LEMD3: variants seen among roughly 807,000 people sequenced by gnomAD.
LEMD3 encodes LEM domain containing 3, also known as inner nuclear membrane protein Man1.
Under a neutral mutation model 95.2 loss-of-function variants are expected in LEMD3, and 33 were observed. The observed-to-expected ratio is 0.35, with a 90% confidence interval of 0.26 to 0.46. The LOEUF (loss-of-function observed/expected upper bound fraction) is 0.46, where lower values mean the gene tolerates loss of function less well. Among genes scored for constraint, LEMD3 ranks in the 20% least tolerant of loss-of-function variants. The pLI, the probability that LEMD3 is intolerant of heterozygous loss-of-function variation, is 1.00. For synonymous variants in LEMD3, 525 were observed against 474.6 expected (o/e 1.11, Z -1.38); for missense variants, 1,210 against 1,192.8 (o/e 1.01, Z -0.21).
At chr12:65,245,132 CTTTT>C (rs536543524) in intron 10 of LEMD3, among the ~76,000 whole-genome samples, 3 of 139,316 alleles carry the variant, frequency 2.2e-5, no homozygotes, top group East Asian at 2.1e-4. Flanking sequence ...TCTCTGCACT[CTTTT>C]TTTTTTTTTT....
intron 4 of LEMD3, among the ~76,000 whole-genome samples, chr12:65,236,389 A>C (rs745549305): frequency 6.6e-6 from 1 of 152,076 alleles, no homozygotes; most frequent in African/African-American, 2.4e-5. Flanking sequence ...TACTACTAAA[A>C]ATACAGTGAT....
intron 1 of LEMD3, among the ~76,000 whole-genome samples, chr12:65,206,968 A>C (rs565271592): frequency 6.6e-6 from 1 of 152,252 alleles, no homozygotes; most frequent in South Asian, 2.1e-4. Context: ...AGACATAAAT[A>C]GGTTTGAATC....
At position 65,246,517 on chromosome 12, in the gene LEMD3, A is replaced by C. The variant is rs1592466901; in HGVS notation, c.*192A>C. Reference sequence around the variant, plus strand: ...GCAATGCTGAGTAGGTAGGATAATTATTTCATTCAGTTTTTGGAGCTCAGT... The same window carrying C: ...GCAATGCTGAGTAGGTAGGATAATTCTTTCATTCAGTTTTTGGAGCTCAGT... On this transcript the variant is annotated 3_prime_UTR_variant, in exon 13 of 13. Transcript: ENST00000308330. 10 of 589,338 alleles carry C rather than the reference A, an allele frequency of 1.7e-5. No homozygotes were observed. In the East Asian group the frequency reaches 2.9e-4, roughly 17 times the overall value. The allele number at this position is 589,338 out of a possible 1,614,324, so 36.5% of individuals were successfully genotyped here.
chr12:65,230,542 C>T (rs568819523), intron 4 of LEMD3, among the ~76,000 whole-genome samples: 1 of 151,678 alleles, frequency 6.6e-6, no homozygotes, highest in South Asian at 2.1e-4. Context: ...AGTAGAACTG[C>T]TTTCTTAATT....
Position 65,245,920 on chromosome 12 carries a change from G to T in LEMD3, c.2553G>T (p.Leu851Phe). 6.2e-7 allele frequency: 1 copy of T among 1,611,614 alleles called. No homozygotes were observed. The highest frequency in any genetic ancestry group is 8.5e-7 in the Non-Finnish European group (1 of 1,178,370). ...PEYAGKAFKA[L>F]HGSWFDGKLV... Reference sequence around the variant, plus strand: ...ATGCTGGAAAGGCTTTTAAAGCATTGCATGGCTCTTGGTTTGATGGTAAGA... The same window carrying T: ...ATGCTGGAAAGGCTTTTAAAGCATTTCATGGCTCTTGGTTTGATGGTAAGA... The change falls in exon 12 of 13, where the codon TTG becomes TTT. Residue 851 changes from leucine (L) to phenylalanine (F), a missense_variant. Leu to Phe is a conservative substitution (Grantham distance 22). Transcript: ENST00000308330.
chr12:65,176,926 A>G (rs1256789945), intron 1 of LEMD3, among the ~76,000 whole-genome samples: 2 of 152,214 alleles, frequency 1.3e-5, no homozygotes, highest in African/African-American at 4.8e-5. Context: ...GGTAGTATCT[A>G]ACTCGGTAAT....
chr12:65,187,594 C>T (rs1869106038), intron 1 of LEMD3, among the ~76,000 whole-genome samples: 1 of 150,518 alleles, frequency 6.6e-6, no homozygotes, highest in South Asian at 2.1e-4. Context: ...ATTCCCACTT[C>T]CCCCCTTTAA....
chr12:65,206,333 G>A (rs1024255142), intron 1 of LEMD3, among the ~76,000 whole-genome samples: 1 of 152,136 alleles, frequency 6.6e-6, no homozygotes, highest in Non-Finnish European at 1.5e-5. Flanking sequence ...TAGCCTTAAG[G>A]TCATGGAGTT....
chr12:65,170,445 G>A lies in LEMD3; in HGVS notation c.849G>A (p.Arg283=). The change falls in exon 1 of 13, where the codon CGG becomes CGA. Residue 283 remains arginine (R), a synonymous_variant. Coordinates refer to ENST00000308330, the MANE Select transcript of LEMD3 (RefSeq NM_014319.5). ...TATTAAAGGACGACTCCCTTTCCCG[G>A]CATCGGCCCAGACGAACCCATAGTA... The part of the protein sequence containing the change: ...RQVLKDDSLS[R]HRPRRTHSKP... 1 of 1,614,038 alleles carries A rather than the reference G, an allele frequency of 6.2e-7. No homozygotes were observed. The highest frequency in any genetic ancestry group is 8.5e-7 in the Non-Finnish European group (1 of 1,180,004).
At chr12:65,185,201 A>T (rs1869023656) in intron 1 of LEMD3, among the ~76,000 whole-genome samples, 1 of 152,160 alleles carries the variant, frequency 6.6e-6, no homozygotes, top group Non-Finnish European at 1.5e-5. Flanking sequence ...AGCTCTGTTC[A>T]TAAAAATTGT....
intron 1 of LEMD3, among the ~76,000 whole-genome samples, chr12:65,207,843 C>G (rs1420913894): frequency 6.6e-6 from 1 of 151,980 alleles, no homozygotes; most frequent in Non-Finnish European, 1.5e-5. Flanking sequence ...TCCTTTTTAT[C>G]TGAGAATTCA....
At chr12:65,246,140 T>C (rs762790223) in intron 12 of LEMD3, 22 bp from the exon 13 acceptor site, 1 of 1,569,622 alleles carries the variant, frequency 6.4e-7, no homozygotes, top group Non-Finnish European at 8.8e-7. Context: ...TGATCTAAAA[T>C]ATTATTTTTA....
intron 4 of LEMD3, among the ~76,000 whole-genome samples, chr12:65,236,170 A>G (rs1476704733): frequency 2.0e-5 from 3 of 152,206 alleles, no homozygotes; most frequent in Non-Finnish European, 4.4e-5. Flanking sequence ...ATAAAATACA[A>G]TAGGACACTT....
intron 10 of LEMD3, 80 bp from the exon 11 acceptor site, chr12:65,245,589 T>C: frequency 1.1e-6 from 1 of 910,230 alleles, no homozygotes; most frequent in Non-Finnish European, 1.8e-6. Context: ...TCTAGTAATA[T>C]ATATATGTTG....
intron 8 of LEMD3, 132 bp from the exon 9 acceptor site, chr12:65,240,777 T>C: frequency 1.3e-6 from 1 of 784,826 alleles, no homozygotes; most frequent in Non-Finnish European, 2.1e-6. Context: ...TATAGGCATC[T>C]AAATCTTCTT....
intron 4 of LEMD3, among the ~76,000 whole-genome samples, chr12:65,222,725 A>T (rs1211904337): frequency 6.6e-6 from 1 of 151,722 alleles, no homozygotes; most frequent in African/African-American, 2.4e-5. Context: ...GTTCTTTGAG[A>T]TGTAAAGTTA....
At chr12:65,191,974 GA>G (rs1486221328) in intron 1 of LEMD3, among the ~76,000 whole-genome samples, 2 of 145,056 alleles carry the variant, frequency 1.4e-5, no homozygotes, top group Non-Finnish European at 3.0e-5. Flanking sequence ...AGAATTTTGG[GA>G]AAGTTTGTCA....
chr12:65,177,365 G>A lies in LEMD3; in HGVS notation c.1522+6247G>A, dbSNP rs144788180. 1.7e-3 allele frequency among the ~76,000 whole-genome samples: 253 copies of A among 152,230 alleles called. 1 individual carries two copies. The highest frequency in any genetic ancestry group is 0.01 in the Middle Eastern group (3 of 294). ...TTTGAAGAAAGACATATGGTTTTGA[G>A]TATAGAGAATAAGAGACAGATAGGA... On this transcript the variant is annotated intron_variant, in intron 1 of 12. Transcript: ENST00000308330.
In LEMD3 at chr12:65,209,253, T is replaced by C. The variant is rs192130243; in HGVS notation, c.1523-1673T>C. Among the ~76,000 whole-genome samples the C allele has an allele frequency of 4.0e-3, 603 of 152,246 alleles. 16 individuals carry two copies. The highest frequency in any genetic ancestry group is 8.8e-4 in the Non-Finnish European group (60 of 68,008). ...TTATGGAGCTACTCACAGAGCTGAT[T>C]TTCCATTTGATAGTCTTGACAAAAA... On this transcript the variant is annotated intron_variant, in intron 1 of 12. Transcript: ENST00000308330.
Sources: allele counts gnomAD v4.1 joint callset (sites outside exome capture counted in the v4.1 genomes callset), GRCh38; gene constraint gnomAD v4.1.1; transcripts MANE v1.5; gene names NCBI Gene and HGNC (gene_info 2026-07-23, HGNC 2026-07-21).